Variants in CEP112 observed in about 807,000 individuals in gnomAD.
The protein encoded by CEP112 is centrosomal protein 112.
A neutral mutation model predicts 153.0 loss-of-function variants in CEP112; 127 were observed. The observed-to-expected ratio is 0.83, with a 90% confidence interval of 0.72 to 0.96. The LOEUF is 0.96. CEP112 is among the 40% of genes least tolerant of loss of function. The probability of loss-of-function intolerance (pLI) is 0.00; values close to 1 mark genes in which losing one functional copy is unlikely to be tolerated. For missense variants in CEP112, 1,089 were observed against 1,101.2 expected (o/e 0.99, Z 0.16); for synonymous variants, 358 against 374.4 (o/e 0.96, Z 0.51).
At chr17:65,995,870 C>T (rs1204396657) in intron 17 of CEP112, among the ~76,000 whole-genome samples, 1 of 152,158 alleles carries the variant, frequency 6.6e-6, no homozygotes, top group East Asian at 1.9e-4. Flanking sequence ...TGATGGTTTA[C>T]AAGGGAAAAC....
intron 18 of CEP112, among the ~76,000 whole-genome samples, chr17:65,940,689 A>C (rs2061479217): frequency 6.6e-6 from 1 of 152,178 alleles, no homozygotes; most frequent in East Asian, 1.9e-4. Context: ...AAAAAAGTTG[A>C]ACTCAGAAGT....
At chr17:66,068,718 T>A (rs1427769329) in intron 9 of CEP112, among the ~76,000 whole-genome samples, 1 of 152,204 alleles carries the variant, frequency 6.6e-6, no homozygotes, top group Non-Finnish European at 1.5e-5. Context: ...TTATTAAATA[T>A]GTTACTTTGA....
At chr17:66,109,534 T>C (rs1414103034) in intron 6 of CEP112, among the ~76,000 whole-genome samples, 1 of 152,052 alleles carries the variant, frequency 6.6e-6, no homozygotes, top group Non-Finnish European at 1.5e-5. Context: ...TTTACAAAGA[T>C]ATAATTTCTA....
At chr17:65,997,777 C>T (rs1414729003) in intron 17 of CEP112, among the ~76,000 whole-genome samples, 5 of 64,716 alleles carry the variant, frequency 7.7e-5, no homozygotes, top group East Asian at 8.1e-4. Context: ...CATTTATACA[C>T]ACACCCTAAA....
chr17:65,876,006 T>A (rs562729209), intron 20 of CEP112, among the ~76,000 whole-genome samples: 5 of 152,328 alleles, frequency 3.3e-5, no homozygotes, highest in Middle Eastern at 3.4e-3. Flanking sequence ...CTTTCTCCCT[T>A]GCATTTTCTG....
chr17:65,814,455 C>T (rs180983773), intron 21 of CEP112, among the ~76,000 whole-genome samples: 6 of 152,176 alleles, frequency 3.9e-5, no homozygotes, highest in South Asian at 2.1e-4. Flanking sequence ...ATTATTCAAA[C>T]GATTTAAGCA....
chr17:65,844,150 A>C (rs2057629285), intron 21 of CEP112, among the ~76,000 whole-genome samples: 2 of 152,210 alleles, frequency 1.3e-5, no homozygotes, highest in Non-Finnish European at 2.9e-5. Flanking sequence ...TCACACTTAA[A>C]TATACAAATT....
chr17:66,181,101 T>C (rs2072700916), intron 2 of CEP112, among the ~76,000 whole-genome samples: 1 of 152,208 alleles, frequency 6.6e-6, no homozygotes, highest in South Asian at 2.1e-4. Context: ...AATATTCTAA[T>C]GTCCAGAATT....
intron 18 of CEP112, among the ~76,000 whole-genome samples, chr17:65,953,769 C>T (rs919466421): frequency 6.6e-6 from 1 of 152,172 alleles, no homozygotes; most frequent in Admixed American, 6.5e-5. Context: ...CGACTGGGAA[C>T]CACACTCCCA....
At chr17:66,159,467 C>A (rs1367383322) in intron 4 of CEP112, among the ~76,000 whole-genome samples, 2 of 152,136 alleles carry the variant, frequency 1.3e-5, no homozygotes, top group Non-Finnish European at 2.9e-5. Context: ...TACTGGCAAA[C>A]CGAATCCAAC....
At chr17:66,153,824 G>C (rs2071311356) in intron 4 of CEP112, among the ~76,000 whole-genome samples, 1 of 152,068 alleles carries the variant, frequency 6.6e-6, no homozygotes, top group Middle Eastern at 3.4e-3. Context: ...AAAGAAACTA[G>C]AGACCAGAAA....
chr17:66,093,500 C>G (rs2146261253), intron 8 of CEP112, among the ~76,000 whole-genome samples: 1 of 150,744 alleles, frequency 6.6e-6, no homozygotes, highest in African/African-American at 2.4e-5. Context: ...AATACAAAAT[C>G]AACATACAAA....
chr17:66,014,384 C>T (rs1021563257), intron 16 of CEP112, among the ~76,000 whole-genome samples: 3 of 152,124 alleles, frequency 2.0e-5, no homozygotes, highest in Non-Finnish European at 2.9e-5. Flanking sequence ...AGAGGCCAGC[C>T]GATGGGAGAG....
chr17:66,149,779 G>A (rs946896462), intron 4 of CEP112, among the ~76,000 whole-genome samples: 4 of 138,888 alleles, frequency 2.9e-5, no homozygotes, highest in South Asian at 2.3e-4. Flanking sequence ...TTTCTCTACT[G>A]TTTTTCTGTT....
At chr17:66,027,971 G>A (rs2065291464) in intron 15 of CEP112, among the ~76,000 whole-genome samples, 2 of 124,144 alleles carry the variant, frequency 1.6e-5, no homozygotes, top group Admixed American at 2.1e-4. Flanking sequence ...GAGAGGCAGA[G>A]AAAGAAAGAG....
chr17:66,109,756 G>T (rs2068941019), intron 6 of CEP112, among the ~76,000 whole-genome samples: 1 of 152,134 alleles, frequency 6.6e-6, no homozygotes, highest in South Asian at 2.1e-4. Context: ...CAGGGTTTTT[G>T]TAAAACTTAT....
intron 16 of CEP112, among the ~76,000 whole-genome samples, chr17:66,006,895 A>G (rs965131295): frequency 6.6e-6 from 1 of 152,186 alleles, no homozygotes; most frequent in African/African-American, 2.4e-5. Context: ...CAACAGGTTT[A>G]AGAGAGAAAC....
chr17:65,637,269 T>G (rs189481145), intron 25 of CEP112, 81 bp from the exon 26 acceptor site: 102 of 950,086 alleles, frequency 1.1e-4, no homozygotes, highest in Non-Finnish European at 5.1e-6. Flanking sequence ...AAGATTTTAT[T>G]TAAATTCAGA....
chr17:66,053,134 T>G (rs1172437212), intron 12 of CEP112, among the ~76,000 whole-genome samples: 2 of 148,436 alleles, frequency 1.3e-5, no homozygotes, highest in Admixed American at 6.7e-5. Context: ...GAAAAGAGAT[T>G]ATCTCTGAAC....
Sources: gnomAD v4.1 joint callset for allele counts (sites outside exome capture counted in the v4.1 genomes callset) on GRCh38, gnomAD v4.1.1 for gene constraint, MANE v1.5 for transcripts, NCBI Gene and HGNC (gene_info 2026-07-23, HGNC 2026-07-21) for gene names.